LRRC7: variants seen among roughly 807,000 people sequenced by gnomAD.
The protein encoded by LRRC7 is leucine-rich repeat-containing protein 7.
LRRC7 carries 23 observed loss-of-function variants against 175.7 expected under a neutral mutation model. That is an observed-to-expected ratio of 0.13 (90% CI 0.09 to 0.19). The LOEUF (loss-of-function observed/expected upper bound fraction) is 0.19. Among genes scored for constraint, LRRC7 ranks in the 10% least tolerant of loss-of-function variants. The pLI is 1.00. For missense variants in LRRC7, 1,354 were observed against 1,904.7 expected (o/e 0.71, Z 5.38); for synonymous variants, 685 against 680.9 (o/e 1.01, Z -0.09).
At chr1:69,974,719 C>G (rs1015025835) in intron 8 of LRRC7, among the ~76,000 whole-genome samples, 2 of 152,160 alleles carry the variant, frequency 1.3e-5, no homozygotes, top group African/African-American at 4.8e-5. Flanking sequence ...ATCTGCTATG[C>G]TTTATCTGTG....
rs1292032459 is a variant in LRRC7 at position 70,138,979 on chromosome 1, A to G, written c.*17092A>G. 12 of 152,332 alleles carry G rather than the reference A, an allele frequency of 7.9e-5. No homozygotes were observed. Among genetic ancestry groups the G allele is most frequent in the African/African-American group, 2.6e-4 (11 of 41,580 alleles). 9.4% of individuals were successfully genotyped at this position (152,332 alleles called of 1,614,324 possible). A position where few individuals can be genotyped will look rare whatever the true frequency, so the allele number is the denominator to read the frequency against. The stretch of plus-strand genomic sequence containing the variant: ...AGACCCTATTATGTTTTATTTGCCT[A>G]TCGGAGAAAGAGATCTGCCTACCTG... On this transcript the variant is annotated 3_prime_UTR_variant, in exon 27 of 27. Coordinates refer to ENST00000651989, the MANE Select transcript of LRRC7 (RefSeq NM_001370785.2).
chr1:69,596,470 A>G (rs530522325), intron 1 of LRRC7, among the ~76,000 whole-genome samples: 144 of 152,282 alleles, frequency 9.5e-4, no homozygotes, highest in African/African-American at 3.3e-3. Context: ...GCAAGCTGGT[A>G]CATAATAACA....
At chr1:69,991,902 A>G (rs937583865) in intron 10 of LRRC7, among the ~76,000 whole-genome samples, 1 of 152,128 alleles carries the variant, frequency 6.6e-6, no homozygotes, top group Non-Finnish European at 1.5e-5. Context: ...TTCTAGATGG[A>G]GAGTTTTCAT....
At chr1:69,894,716 CATT>C (rs1225874637) in intron 7 of LRRC7, among the ~76,000 whole-genome samples, 1 of 152,090 alleles carries the variant, frequency 6.6e-6, no homozygotes, top group African/African-American at 2.4e-5. Context: ...ACCTGGAAGA[CATT>C]ATGTTAACTA....
At chr1:69,671,012 C>A (rs1277620352) in intron 1 of LRRC7, among the ~76,000 whole-genome samples, 2 of 152,110 alleles carry the variant, frequency 1.3e-5, no homozygotes, top group Admixed American at 6.5e-5. Flanking sequence ...TCCTCTGTGG[C>A]AAAGCTGGTA....
chr1:70,077,230 A>G (rs192229024), intron 24 of LRRC7, among the ~76,000 whole-genome samples: 9 of 152,224 alleles, frequency 5.9e-5, no homozygotes, highest in African/African-American at 2.2e-4. Context: ...GGCTTTAAAC[A>G]TCTCCTCTAT....
chr1:69,746,357 A>T (rs1216524709), intron 2 of LRRC7, among the ~76,000 whole-genome samples: 1 of 152,012 alleles, frequency 6.6e-6, no homozygotes, highest in Non-Finnish European at 1.5e-5. Context: ...TGCATGGCTC[A>T]AAAACACTGG....
intron 2 of LRRC7, among the ~76,000 whole-genome samples, chr1:69,686,506 C>T (rs1425279992): frequency 6.6e-6 from 1 of 152,112 alleles, no homozygotes; most frequent in Admixed American, 6.5e-5. Flanking sequence ...CTCTACTTCA[C>T]TTGAAATGGT....
intron 7 of LRRC7, among the ~76,000 whole-genome samples, chr1:69,909,965 T>G (rs546141784): frequency 8.5e-5 from 13 of 152,260 alleles, no homozygotes; most frequent in Non-Finnish European, 1.3e-4. Context: ...AGGCTTTGTT[T>G]GTTTCTTTTT....
intron 7 of LRRC7, among the ~76,000 whole-genome samples, 159 bp from the exon 8 acceptor site, chr1:69,931,348 A>G (rs1375512659): frequency 6.6e-6 from 1 of 152,184 alleles, no homozygotes; most frequent in Non-Finnish European, 1.5e-5. Flanking sequence ...GGCAGTTTGC[A>G]TAGATTTTGT....
At chr1:70,040,576 C>T (rs1325412691) in intron 21 of LRRC7, among the ~76,000 whole-genome samples, 1 of 152,082 alleles carries the variant, frequency 6.6e-6, no homozygotes. Flanking sequence ...AATCCCAGCA[C>T]TTTGGGAGGC....
intron 17 of LRRC7, among the ~76,000 whole-genome samples, chr1:70,024,839 A>G (rs1657914063): frequency 6.6e-6 from 1 of 152,152 alleles, no homozygotes; most frequent in Non-Finnish European, 1.5e-5. Context: ...TGGGCATAAA[A>G]TATGCTTGCA....
intron 2 of LRRC7, among the ~76,000 whole-genome samples, chr1:69,758,227 A>G (rs1670647425): frequency 1.3e-5 from 2 of 152,086 alleles, no homozygotes; most frequent in Admixed American, 6.6e-5. Flanking sequence ...AACAATAGTT[A>G]CAAAATCTTG....
At chr1:69,844,291 G>A (rs1682087896) in intron 7 of LRRC7, among the ~76,000 whole-genome samples, 1 of 152,078 alleles carries the variant, frequency 6.6e-6, no homozygotes, top group Admixed American at 6.6e-5. Context: ...TTGGACAGCA[G>A]ATGTCTGCAA....
chr1:69,884,953 A>G (rs1320086896), intron 7 of LRRC7, among the ~76,000 whole-genome samples: 4 of 149,846 alleles, frequency 2.7e-5, no homozygotes, highest in African/African-American at 1.0e-4. Flanking sequence ...GCCTTGCATC[A>G]CAGGGATGAA....
At chr1:69,760,429 G>A (rs1458486185) in intron 3 of LRRC7, 36 bp downstream of exon 3, 3 of 1,537,944 alleles carry the variant, frequency 2.0e-6, no homozygotes, top group East Asian at 2.3e-5. Flanking sequence ...CAATGTAAAT[G>A]AGTATTTCAT....
Position 70,038,129 on chromosome 1 carries a change from C to T in LRRC7, c.2305C>T (p.Pro769Ser). Residue 769 changes from proline (P) to serine (S), a missense_variant, in exon 21 of 27, where the codon CCA becomes TCA. By Grantham distance (74) the Pro-to-Ser change is moderately conservative. This residue lies in a region of LRRC7 where 1,032 missense variants were observed against 1,227.2 expected (regional missense o/e 0.84). Coordinates refer to ENST00000651989, the MANE Select transcript of LRRC7 (RefSeq NM_001370785.2). Reference protein sequence around the residue: ...LWGNRIAPSFPQPLDSKPLLS... With the variant: ...LWGNRIAPSFSQPLDSKPLLS... Reference sequence around the variant, plus strand: ...TGTTCACAGGATTGCACCATCTTTCCCACAGCCTCTTGATTCAAAGCCATT... The same window carrying T: ...TGTTCACAGGATTGCACCATCTTTCTCACAGCCTCTTGATTCAAAGCCATT... 6.2e-7 allele frequency: 1 copy of T among 1,609,608 alleles called. No individual in the cohort carries two copies. Among genetic ancestry groups the T allele is most frequent in the African/African-American group, 1.3e-5 (1 of 74,912 alleles).
intron 3 of LRRC7, among the ~76,000 whole-genome samples, chr1:69,764,973 A>T (rs1671469808): frequency 6.6e-6 from 1 of 152,028 alleles, no homozygotes. Context: ...TCGACAAAAA[A>T]TATTGTGGCA....
chr1:70,132,724 G>T lies in LRRC7; in HGVS notation c.*10837G>T, dbSNP rs1156284139. Among the ~76,000 whole-genome samples, 1 of 151,958 alleles carries T rather than the reference G, an allele frequency of 6.6e-6. No individual in the cohort carries two copies. Among genetic ancestry groups the T allele is most frequent in the African/African-American group, 2.4e-5 (1 of 41,392 alleles). ...CTGACCTCGTGATCCACCTGCCTCG[G>T]ACTCCCAAAGTACGGGGATTACAGG... On this transcript the variant is annotated 3_prime_UTR_variant, in exon 27 of 27. Coordinates refer to ENST00000651989, the MANE Select transcript of LRRC7 (RefSeq NM_001370785.2).
Sources: gnomAD v4.1 joint callset for allele counts (sites outside exome capture counted in the v4.1 genomes callset) on GRCh38, gnomAD v4.1.1 for gene constraint, gnomAD v4.1.1 regional missense constraint, MANE v1.5 for transcripts, NCBI Gene and HGNC (gene_info 2026-07-23, HGNC 2026-07-21) for gene names.